Variants in TRHDE observed in about 807,000 individuals in gnomAD.
TRHDE encodes thyrotropin releasing hormone degrading enzyme, also known as thyrotropin-releasing hormone-degrading ectoenzyme.
Under a neutral mutation model 125.7 loss-of-function variants are expected in TRHDE, and 72 were observed. The observed-to-expected ratio is 0.57, with a 90% CI of 0.47 to 0.70. The LOEUF (loss-of-function observed/expected upper bound fraction) is 0.70, where lower values mean the gene tolerates loss of function less well. Among genes scored for constraint, TRHDE ranks in the 30% least tolerant of loss-of-function variants. The probability of loss-of-function intolerance (pLI) is 0.00; values close to 1 mark genes in which losing one functional copy is unlikely to be tolerated. For missense variants in TRHDE, 1,110 were observed against 1,327.1 expected (o/e 0.84, Z 2.54); for synonymous variants, 509 against 509.1 (o/e 1.00, Z 0.00).
intron 2 of TRHDE, among the ~76,000 whole-genome samples, chr12:72,316,405 T>C (rs1469846674): frequency 1.3e-5 from 2 of 152,062 alleles, no homozygotes; most frequent in East Asian, 1.9e-4. Context: ...GAAATATACA[T>C]ACAGAAATGT....
chr12:72,358,441 G>A (rs531053922), intron 2 of TRHDE, among the ~76,000 whole-genome samples: 2 of 151,546 alleles, frequency 1.3e-5, no homozygotes, highest in African/African-American at 4.8e-5. Flanking sequence ...TTGCTTTATT[G>A]TAAGAATACA....
intron 12 of TRHDE, among the ~76,000 whole-genome samples, chr12:72,585,848 C>T (rs990715418): frequency 1.3e-5 from 2 of 152,088 alleles, no homozygotes; most frequent in African/African-American, 4.8e-5. Flanking sequence ...AAATAAAAAT[C>T]CTCTTATTCT....
chr12:72,152,995 G>A (rs1305145231), intron 2 of TRHDE, among the ~76,000 whole-genome samples: 2 of 152,124 alleles, frequency 1.3e-5, no homozygotes, highest in African/African-American at 4.8e-5. Flanking sequence ...TTGTACCTCT[G>A]GTAGAATTCG....
At chr12:72,489,142 A>G (rs1203634342) in intron 5 of TRHDE, among the ~76,000 whole-genome samples, 4 of 151,740 alleles carry the variant, frequency 2.6e-5, no homozygotes, top group Non-Finnish European at 5.9e-5. Context: ...AAAAGAAATA[A>G]TAGAAATCAG....
chr12:72,574,398 A>G (rs983364090), intron 10 of TRHDE, among the ~76,000 whole-genome samples: 8 of 151,966 alleles, frequency 5.3e-5, no homozygotes, highest in Non-Finnish European at 1.0e-4. Context: ...GCGTATGTGT[A>G]TACATTTAAA....
At chr12:72,529,794 C>CT (rs1565779762) in intron 6 of TRHDE, among the ~76,000 whole-genome samples, 2 of 152,262 alleles carry the variant, frequency 1.3e-5, no homozygotes, top group African/African-American at 4.8e-5. Flanking sequence ...ATGCCTACTT[C>CT]TTTTTTCTTA....
chr12:72,104,043 G>A (rs1057304336), intron 1 of TRHDE, among the ~76,000 whole-genome samples: 5 of 152,110 alleles, frequency 3.3e-5, no homozygotes, highest in African/African-American at 1.2e-4. Context: ...GTGGTTTTCT[G>A]GAAGAATTAT....
At chr12:72,205,332 GTT>G (rs35613758) in intron 2 of TRHDE, among the ~76,000 whole-genome samples, 2 of 138,682 alleles carry the variant, frequency 1.4e-5, no homozygotes. Context: ...CCAAAGCACT[GTT>G]TTTTTTTTTT....
chr12:72,439,564 A>T (rs1486782923), intron 3 of TRHDE, among the ~76,000 whole-genome samples: 3 of 151,600 alleles, frequency 2.0e-5, no homozygotes, highest in Non-Finnish European at 4.4e-5. Flanking sequence ...TTGAAATGTG[A>T]TTATTTTTCT....
intron 12 of TRHDE, among the ~76,000 whole-genome samples, chr12:72,586,666 T>G (rs926790877): frequency 6.6e-6 from 1 of 152,050 alleles, no homozygotes; most frequent in African/African-American, 2.4e-5. Flanking sequence ...GTGCAGTTGA[T>G]TCACGCCTCT....
At chr12:72,652,100 T>C (rs936068979) in intron 15 of TRHDE, among the ~76,000 whole-genome samples, 12 of 152,004 alleles carry the variant, frequency 7.9e-5, no homozygotes, top group Admixed American at 7.9e-4. Flanking sequence ...GAAATAATAA[T>C]TATGTTCAAA....
intron 3 of TRHDE, among the ~76,000 whole-genome samples, chr12:72,458,561 C>A (rs1875978575): frequency 6.6e-6 from 1 of 152,062 alleles, no homozygotes; most frequent in Non-Finnish European, 1.5e-5. Context: ...TAAATCTTTT[C>A]CCCGACCCCA....
intron 7 of TRHDE, among the ~76,000 whole-genome samples, chr12:72,545,984 C>T (rs1320252714): frequency 6.6e-6 from 1 of 151,468 alleles, no homozygotes; most frequent in African/African-American, 2.4e-5. Context: ...TGAGAAGAGC[C>T]AACATCCTCC....
intron 3 of TRHDE, among the ~76,000 whole-genome samples, chr12:72,421,354 C>A (rs1873944729): frequency 6.6e-6 from 1 of 152,114 alleles, no homozygotes; most frequent in South Asian, 2.1e-4. Context: ...ACTGGGCCAG[C>A]AGGACTTGAA....
intron 12 of TRHDE, among the ~76,000 whole-genome samples, chr12:72,604,523 G>A (rs563608733): frequency 1.3e-5 from 2 of 151,966 alleles, no homozygotes; most frequent in South Asian, 4.2e-4. Flanking sequence ...TAAGATTCCA[G>A]AATTTTCTTC....
intron 12 of TRHDE, among the ~76,000 whole-genome samples, chr12:72,601,035 T>C (rs1222843014): frequency 2.0e-5 from 3 of 152,084 alleles, no homozygotes; most frequent in Non-Finnish European, 4.4e-5. Flanking sequence ...CAGATAATGA[T>C]TCGTTTGATG....
intron 6 of TRHDE, among the ~76,000 whole-genome samples, chr12:72,504,678 G>A (rs977347498): frequency 2.0e-5 from 3 of 152,186 alleles, no homozygotes; most frequent in Non-Finnish European, 4.4e-5. Flanking sequence ...AATTAAAATT[G>A]CATTCCTAAA....
intron 3 of TRHDE, among the ~76,000 whole-genome samples, chr12:72,417,548 T>G (rs756383778): frequency 2.0e-5 from 3 of 152,002 alleles, no homozygotes; most frequent in Non-Finnish European, 4.4e-5. Flanking sequence ...ATTTTGAATT[T>G]GATGTTATTT....
intron 3 of TRHDE, among the ~76,000 whole-genome samples, chr12:72,464,856 G>A (rs966814445): frequency 6.6e-6 from 1 of 152,086 alleles, no homozygotes; most frequent in African/African-American, 2.4e-5. Context: ...GTGAGTAGGA[G>A]GCAAACAAGT....
Sources: gnomAD v4.1 joint callset for allele counts (sites outside exome capture counted in the v4.1 genomes callset) on GRCh38, gnomAD v4.1.1 for gene constraint, MANE v1.5 for transcripts, NCBI Gene and HGNC (gene_info 2026-07-23, HGNC 2026-07-21) for gene names.